Variants in FANK1 observed in about 807,000 individuals in gnomAD.
FANK1 encodes the protein fibronectin type 3 and ankyrin repeat domains protein 1.
In FANK1, 44 loss-of-function variants were observed where a neutral mutation model predicts 45.3. That is an observed-to-expected ratio of 0.97 (90% CI 0.76 to 1.25). The LOEUF (loss-of-function observed/expected upper bound fraction) is 1.25, where lower values mean the gene tolerates loss of function less well. FANK1 is among the 50% of genes most tolerant of loss of function. FANK1 has a pLI of 0.00. For missense variants in FANK1, 391 were observed against 424.4 expected, an observed-to-expected ratio of 0.92 and a Z score of 0.69; for synonymous variants, 149 against 152.5, an observed-to-expected ratio of 0.98 and a Z score of 0.17.
At chr10:125,933,207 GT>G (rs1470520314) in intron 1 of FANK1, among the ~76,000 whole-genome samples, 1 of 152,012 alleles carries the variant, frequency 6.6e-6, no homozygotes, top group African/African-American at 2.4e-5. Flanking sequence ...GGGTGACTTG[GT>G]ACCAATTCTT....
intron 1 of FANK1, among the ~76,000 whole-genome samples, chr10:125,958,695 C>A (rs1329119951): frequency 6.6e-6 from 1 of 152,050 alleles, no homozygotes; most frequent in Non-Finnish European, 1.5e-5. Flanking sequence ...TGAGGTGATA[C>A]CTCACTGTGA....
chr10:125,945,857 C>A (rs1386101237), intron 1 of FANK1, among the ~76,000 whole-genome samples: 2 of 152,222 alleles, frequency 1.3e-5, no homozygotes, highest in Non-Finnish European at 2.9e-5. Flanking sequence ...CCCTGTCTGA[C>A]AGCTTTGAAG....
chr10:125,925,220 C>G (rs1237879218), intron 1 of FANK1, among the ~76,000 whole-genome samples: 4 of 152,208 alleles, frequency 2.6e-5, no homozygotes, highest in Non-Finnish European at 5.9e-5. Flanking sequence ...TGTCTGTCTC[C>G]TCATCTGTCA....
intron 1 of FANK1, among the ~76,000 whole-genome samples, chr10:125,977,346 G>T (rs138581889): frequency 6.6e-6 from 1 of 152,164 alleles, no homozygotes; most frequent in Non-Finnish European, 1.5e-5. Flanking sequence ...TTTCAGAGGG[G>T]GGTATGTTAA....
At chr10:125,954,236 T>C (rs112821485) in intron 1 of FANK1, among the ~76,000 whole-genome samples, 2,713 of 152,192 alleles carry the variant, frequency 0.018, 84 homozygotes, top group African/African-American at 0.062. Flanking sequence ...GTGGGCTCTG[T>C]AGATAAGGAC....
intron 3 of FANK1, chr10:125,989,237 G>C: frequency 6.6e-7 from 1 of 1,526,516 alleles, no homozygotes; most frequent in East Asian, 2.5e-5. Context: ...TTGTTTCTGA[G>C]ATTGGTATTT....
chr10:125,906,901 G>T (rs1945570600), intron 1 of FANK1, among the ~76,000 whole-genome samples: 2 of 152,036 alleles, frequency 1.3e-5, no homozygotes, highest in Admixed American at 6.5e-5. Flanking sequence ...AGTTTCTCCA[G>T]TTATCTAGAG....
intron 6 of FANK1, among the ~76,000 whole-genome samples, chr10:125,999,969 A>G (rs2134224470): frequency 6.6e-6 from 1 of 152,344 alleles, no homozygotes; most frequent in South Asian, 2.1e-4. Context: ...AAGGAGGCTC[A>G]GTAAAGTGGA....
At chr10:125,897,042 TTTCTTC>T (rs1212951534) in intron 1 of FANK1, among the ~76,000 whole-genome samples, 3 of 152,256 alleles carry the variant, frequency 2.0e-5, no homozygotes, top group Admixed American at 2.0e-4. Context: ...GTAGCCCATT[TTTCTTC>T]TAAAATGTCA....
chr10:125,948,028 G>A (rs1589988988), intron 1 of FANK1, among the ~76,000 whole-genome samples: 2 of 149,846 alleles, frequency 1.3e-5, no homozygotes. Flanking sequence ...GGTACATAAC[G>A]AAATGAAGGC....
chr10:125,911,449 A>G (rs1419819317), intron 1 of FANK1, among the ~76,000 whole-genome samples: 1 of 152,258 alleles, frequency 6.6e-6, no homozygotes, highest in African/African-American at 2.4e-5. Context: ...GTGGTAACTA[A>G]TTATAGCAGC....
At chr10:125,998,842 A>G (rs544640622) in intron 6 of FANK1, among the ~76,000 whole-genome samples, 1 of 152,248 alleles carries the variant, frequency 6.6e-6, no homozygotes, top group Non-Finnish European at 1.5e-5. Flanking sequence ...TCATTTAAAA[A>G]TTACCTCCAA....
chr10:125,952,491 G>GT (rs1219965534), intron 1 of FANK1, among the ~76,000 whole-genome samples: 1 of 152,122 alleles, frequency 6.6e-6, no homozygotes, highest in Non-Finnish European at 1.5e-5. Flanking sequence ...CAGAGAAGAT[G>GT]TTTTTTACTG....
chr10:125,941,946 T>C (rs1412325838), intron 1 of FANK1, among the ~76,000 whole-genome samples: 2 of 152,142 alleles, frequency 1.3e-5, no homozygotes, highest in African/African-American at 4.8e-5. Flanking sequence ...TTCAGGGCAA[T>C]AGGATGGGGC....
chr10:125,924,813 A>T (rs1277255106), intron 1 of FANK1, among the ~76,000 whole-genome samples: 22 of 144,364 alleles, frequency 1.5e-4, no homozygotes, highest in African/African-American at 5.7e-4. Flanking sequence ...TCTCAAAAAA[A>T]AAAAAAAAAA....
chr10:125,924,156 T>C (rs895726436), intron 1 of FANK1, among the ~76,000 whole-genome samples: 1 of 152,242 alleles, frequency 6.6e-6, no homozygotes, highest in Admixed American at 6.5e-5. Context: ...GCTGATTCTA[T>C]TGTGTGTTTC....
intron 1 of FANK1, among the ~76,000 whole-genome samples, chr10:125,957,500 G>C (rs1269466875): frequency 6.6e-6 from 1 of 151,774 alleles, no homozygotes; most frequent in East Asian, 1.9e-4. Flanking sequence ...CTCTCAGCTT[G>C]GTTTATGTTA....
chr10:126,000,961 T>C (rs1177442046), intron 6 of FANK1, among the ~76,000 whole-genome samples: 3 of 134,404 alleles, frequency 2.2e-5, no homozygotes, highest in Non-Finnish European at 5.2e-5. Flanking sequence ...TTCTATCAAA[T>C]TGGTGACTAA....
In FANK1 at chr10:125,961,217, G is replaced by A. The variant is rs138225439; in HGVS notation, c.14-18944G>A. On this transcript the variant is annotated intron_variant, in intron 1 of 10. Coordinates refer to ENST00000368693, the MANE Select transcript of FANK1 (RefSeq NM_145235.5). ...TACTTCCTGGGCTTAAGAAATCCTC[G>A]TACTTCAGCCTCCTGAGTAGCAGGG... Among the ~76,000 whole-genome samples the A allele has an allele frequency of 3.3e-4, 50 of 152,116 alleles. 1 individual carries two copies. Among genetic ancestry groups the A allele is most frequent in the South Asian group, 8.3e-4 (4 of 4,804 alleles).
Sources: gnomAD v4.1 joint callset for allele counts (sites outside exome capture counted in the v4.1 genomes callset) on GRCh38, gnomAD v4.1.1 for gene constraint, MANE v1.5 for transcripts, NCBI Gene and HGNC (gene_info 2026-07-23, HGNC 2026-07-21) for gene names.